Variants in PDSS2 observed in about 807,000 individuals in gnomAD.
The protein encoded by PDSS2 is all trans-polyprenyl-diphosphate synthase PDSS2.
A neutral mutation model predicts 44.5 loss-of-function variants in PDSS2; 31 were observed. The observed-to-expected ratio is 0.70, with a 90% confidence interval of 0.52 to 0.94. The LOEUF (loss-of-function observed/expected upper bound fraction) is 0.94, where lower values mean the gene tolerates loss of function less well. Among genes scored for constraint, PDSS2 ranks in the 40% least tolerant of loss-of-function variants. The pLI is 0.00. For synonymous variants in PDSS2, 157 were observed against 180.3 expected, an observed-to-expected ratio of 0.87 and a Z score of 1.03; for missense variants, 452 against 482.2, an observed-to-expected ratio of 0.94 and a Z score of 0.59.
At chr6:107,390,517 C>T (rs1405658375) in intron 1 of PDSS2, among the ~76,000 whole-genome samples, 3 of 152,014 alleles carry the variant, frequency 2.0e-5, no homozygotes, top group African/African-American at 4.8e-5. Context: ...TACATCTAAA[C>T]GTAATGTGGT....
intron 1 of PDSS2, among the ~76,000 whole-genome samples, chr6:107,360,286 A>C (rs960686667): frequency 6.6e-6 from 1 of 152,194 alleles, no homozygotes; most frequent in Non-Finnish European, 1.5e-5. Flanking sequence ...CTTCCTGTGT[A>C]TTCTCTCTTC....
chr6:107,285,136 T>A (rs1010639655), intron 2 of PDSS2, among the ~76,000 whole-genome samples: 2 of 152,148 alleles, frequency 1.3e-5, no homozygotes, highest in Non-Finnish European at 2.9e-5. Context: ...AAATTCAGGG[T>A]CTTTCTAAAA....
intron 1 of PDSS2, among the ~76,000 whole-genome samples, chr6:107,383,298 CAAAAAAAAAAAAAAAAAA>C (rs35910650): frequency 3.5e-5 from 1 of 28,430 alleles, no homozygotes; most frequent in Admixed American, 6.0e-4. Context: ...GACTCCATCT[CAAAAAAAAAAAAAAAAAA>C]AAAAAAAAAA....
chr6:107,312,285 T>C (rs1777068149), intron 2 of PDSS2, among the ~76,000 whole-genome samples: 1 of 152,208 alleles, frequency 6.6e-6, no homozygotes, highest in African/African-American at 2.4e-5. Flanking sequence ...GATGGCTATG[T>C]TGGATTTGTC....
intron 2 of PDSS2, among the ~76,000 whole-genome samples, chr6:107,331,208 A>C (rs1209089216): frequency 6.6e-6 from 1 of 152,210 alleles, no homozygotes; most frequent in East Asian, 1.9e-4. Context: ...AGAGCTAAAC[A>C]AATGACTTCA....
chr6:107,412,126 G>T (rs868737626), intron 1 of PDSS2, among the ~76,000 whole-genome samples: 22 of 151,680 alleles, frequency 1.5e-4, no homozygotes, highest in African/African-American at 5.1e-4. Flanking sequence ...GACCTCAGGT[G>T]ATCCACCTGC....
At chr6:107,232,035 C>T (rs933004260) in intron 4 of PDSS2, among the ~76,000 whole-genome samples, 30 of 151,958 alleles carry the variant, frequency 2.0e-4, no homozygotes, top group Non-Finnish European at 4.4e-5. Flanking sequence ...ACCTTTGTCT[C>T]TATCTCAGCT....
intron 4 of PDSS2, among the ~76,000 whole-genome samples, chr6:107,235,426 T>C (rs902026878): frequency 7.2e-5 from 11 of 152,174 alleles, no homozygotes; most frequent in Admixed American, 1.3e-4. Context: ...TCAAAATTCA[T>C]AGGGCATCAG....
intron 2 of PDSS2, among the ~76,000 whole-genome samples, chr6:107,280,183 C>A (rs945639116): frequency 6.6e-6 from 1 of 152,090 alleles, no homozygotes; most frequent in Admixed American, 6.5e-5. Flanking sequence ...CGTCAGCCTC[C>A]CGAGTAGCTA....
chr6:107,396,186 C>T (rs1449187335), intron 1 of PDSS2, among the ~76,000 whole-genome samples: 2 of 152,164 alleles, frequency 1.3e-5, no homozygotes, highest in Non-Finnish European at 2.9e-5. Flanking sequence ...ATATATAGGA[C>T]TCAAAGGGAC....
chr6:107,452,183 C>T (rs561711213), intron 1 of PDSS2, among the ~76,000 whole-genome samples: 4 of 152,032 alleles, frequency 2.6e-5, no homozygotes, highest in South Asian at 2.1e-4. Context: ...CATGCACCAC[C>T]GCACAAGCTT....
chr6:107,413,829 A>C (rs538033514), intron 1 of PDSS2, among the ~76,000 whole-genome samples: 19 of 152,264 alleles, frequency 1.2e-4, no homozygotes, highest in African/African-American at 4.1e-4. Flanking sequence ...CAGGAATGTA[A>C]AGAGTGGATT....
Position 107,160,646 on chromosome 6 carries a change from G to T in PDSS2, c.1042-5869C>A, listed in dbSNP as rs535300592. 2.0e-5 allele frequency among the ~76,000 whole-genome samples: 3 copies of T among 148,058 alleles called. No homozygotes were observed. The East Asian group carries it at 6.2e-4, about 31-fold the overall frequency. On this transcript the variant is annotated intron_variant, in intron 7 of 7. Coordinates refer to ENST00000369037, the MANE Select transcript of PDSS2 (RefSeq NM_020381.4). ...GGGATTACAGGCGTGTGTCACCTCG[G>T]CCAGTTGATGTCTTGTAAATGCTGA...
chr6:107,426,139 A>G (rs961203635), intron 1 of PDSS2, among the ~76,000 whole-genome samples: 2 of 152,020 alleles, frequency 1.3e-5, no homozygotes, highest in East Asian at 3.9e-4. Context: ...TAGGAGGAAA[A>G]AATGATTTTA....
At chr6:107,223,143 A>G (rs60086833) in intron 4 of PDSS2, among the ~76,000 whole-genome samples, 1 of 150,546 alleles carries the variant, frequency 6.6e-6, no homozygotes, top group Non-Finnish European at 1.5e-5. Flanking sequence ...AGAGGCCAGG[A>G]TGGTCTCGAA....
At chr6:107,193,187 G>A (rs1000779964) in intron 7 of PDSS2, among the ~76,000 whole-genome samples, 13 of 152,174 alleles carry the variant, frequency 8.5e-5, no homozygotes, top group Non-Finnish European at 1.6e-4. Context: ...TTTTAACCAG[G>A]GCTGTGTGTC....
chr6:107,416,690 C>G (rs533741734), intron 1 of PDSS2, among the ~76,000 whole-genome samples: 1 of 152,202 alleles, frequency 6.6e-6, no homozygotes, highest in African/African-American at 2.4e-5. Flanking sequence ...GTAAATAGAA[C>G]AAATTAATCT....
At chr6:107,457,498 T>C (rs947870269) in intron 1 of PDSS2, among the ~76,000 whole-genome samples, 18 of 152,214 alleles carry the variant, frequency 1.2e-4, no homozygotes, top group Non-Finnish European at 4.4e-5. Context: ...AATTATTTCT[T>C]GTGGGTCTGT....
chr6:107,391,255 T>C (rs951051163), intron 1 of PDSS2, among the ~76,000 whole-genome samples: 2 of 152,012 alleles, frequency 1.3e-5, no homozygotes, highest in Non-Finnish European at 2.9e-5. Flanking sequence ...CTACAGCTCA[T>C]GAGAGATAAG....
Sources: gnomAD v4.1 joint callset for allele counts (sites outside exome capture counted in the v4.1 genomes callset) on GRCh38, gnomAD v4.1.1 for gene constraint, MANE v1.5 for transcripts, NCBI Gene and HGNC (gene_info 2026-07-23, HGNC 2026-07-21) for gene names.